The following STAT3 variants were observed in gnomAD, a reference collection of about 807,000 sequenced individuals.
STAT3 encodes the protein DNA-binding protein APRF.
STAT3 carries 7 observed loss-of-function variants against 114.3 expected under a neutral mutation model. The ratio of observed to expected loss-of-function variants is 0.06; its 90% confidence interval spans 0.03 to 0.11. The LOEUF (loss-of-function observed/expected upper bound fraction) is 0.11, where lower values mean the gene tolerates loss of function less well. STAT3 is among the 10% of genes least tolerant of loss of function. STAT3 has a pLI of 1.00. For synonymous variants in STAT3, 331 were observed against 354.5 expected, an observed-to-expected ratio of 0.93 and a Z score of 0.74; for missense variants, 364 against 960.9, an observed-to-expected ratio of 0.38 and a Z score of 8.21.
chr17:42,358,874 C>G (rs2083361262), intron 1 of STAT3, among the ~76,000 whole-genome samples: 1 of 151,472 alleles, frequency 6.6e-6, no homozygotes, highest in African/African-American at 2.4e-5. Flanking sequence ...GTGCCAGATC[C>G]TCAGAGCTGC....
At chr17:42,325,200 TGTGA>T in intron 15 of STAT3, 139 bp from the exon 16 acceptor site, 3 of 759,276 alleles carry the variant, frequency 4.0e-6, no homozygotes, top group Non-Finnish European at 4.4e-6. Context: ...AGGCGAGGAG[TGTGA>T]GTGAGTCAGC....
Position 42,358,933 on chromosome 17 carries a change from C to CTTTTTTTTTTTTTTT in STAT3, c.-23-10409_-23-10395dup, listed in dbSNP as rs35099574. ...GTCTCCCTTTCATGGACATTTCTTA[C>CTTTTTTTTTTTTTTT]TTTTTTTTTTTTTTTTTTTGAGATG... is the stretch of plus-strand genomic sequence containing the variant. On this transcript the variant is annotated intron_variant, in intron 1 of 23. Coordinates refer to ENST00000264657, the MANE Select transcript of STAT3 (RefSeq NM_139276.3). Among the ~76,000 whole-genome samples the CTTTTTTTTTTTTTTT allele has an allele frequency of 3.1e-4, 31 of 100,448 alleles. 1 individual carries two copies. The highest frequency in any genetic ancestry group is 5.8e-4 in the East Asian group (2 of 3,442). The allele number at this position is 100,448 out of a possible 152,430, so 65.9% of individuals were successfully genotyped here.
At position 42,386,141 on chromosome 17, in the gene STAT3, C is replaced by T. The variant is rs1011272871; in HGVS notation, c.-24+2138G>A. Reference sequence around the variant, plus strand: ...ACTAAAAATACAAAAATTAGCTGGGCGTGGTGGCGCACGCCTGTAGTCCCA... The same window carrying T: ...ACTAAAAATACAAAAATTAGCTGGGTGTGGTGGCGCACGCCTGTAGTCCCA... On this transcript the variant is annotated intron_variant, in intron 1 of 23. Coordinates refer to ENST00000264657, the MANE Select transcript of STAT3 (RefSeq NM_139276.3). 5.3e-5 allele frequency among the ~76,000 whole-genome samples: 8 copies of T among 151,968 alleles called. No individual in the cohort carries two copies. In the East Asian group the frequency reaches 5.8e-4, roughly 11 times the overall value.
intron 1 of STAT3, among the ~76,000 whole-genome samples, chr17:42,372,677 T>A (rs1174829366): frequency 2.6e-5 from 4 of 151,964 alleles, no homozygotes; most frequent in Non-Finnish European, 5.9e-5. Flanking sequence ...CAGAGTGAAA[T>A]GTAATGTAAA....
chr17:42,336,847 T>C (rs1214029478), intron 8 of STAT3, among the ~76,000 whole-genome samples: 1 of 151,994 alleles, frequency 6.6e-6, no homozygotes, highest in Non-Finnish European at 1.5e-5. Flanking sequence ...AATTAAAAGG[T>C]TTGTCTATCT....
intron 1 of STAT3, among the ~76,000 whole-genome samples, chr17:42,371,337 A>G (rs1025670264): frequency 2.6e-5 from 4 of 152,036 alleles, no homozygotes; most frequent in Non-Finnish European, 4.4e-5. Flanking sequence ...GGAGGGCCAC[A>G]CTTGCTAGTC....
intron 14 of STAT3, among the ~76,000 whole-genome samples, chr17:42,328,054 A>G (rs901828616): frequency 6.6e-6 from 1 of 151,914 alleles, no homozygotes; most frequent in Non-Finnish European, 1.5e-5. Context: ...AAAAAGAAAA[A>G]AGAAATTAAA....
intron 1 of STAT3, 179 bp downstream of exon 1, chr17:42,388,100 G>A: frequency 5.3e-6 from 4 of 761,802 alleles, no homozygotes; most frequent in Non-Finnish European, 7.2e-6. Context: ...TCCCTTCCGA[G>A]GCCCGCTCCT....
intron 19 of STAT3, 44 bp from the exon 20 acceptor site, chr17:42,323,187 C>A (rs1216212278): frequency 6.2e-7 from 1 of 1,614,206 alleles, no homozygotes; most frequent in Admixed American, 1.7e-5. Flanking sequence ...GCTAACAGGG[C>A]ATCCATCCCC....
In STAT3 at chr17:42,337,345, G is replaced by C. The variant is rs2057260572; in HGVS notation, c.797+90C>G. The C allele has an allele frequency of 6.5e-7, 1 of 1,540,700 alleles. No individual in the cohort carries two copies. The highest frequency in any genetic ancestry group is 8.8e-7 in the Non-Finnish European group (1 of 1,137,356). ...AATATGGAAAAGTCCCCACGTTGGA[G>C]ATATAGTACCAATTCTGTGGGCCTG... On this transcript the variant is annotated intron_variant, in intron 8 of 23. Transcript: ENST00000264657. This position sits in a 1 kb window ranked among gnomAD's most constrained non-coding sequence, Gnocchi z 4.0.
intron 3 of STAT3, among the ~76,000 whole-genome samples, chr17:42,346,023 G>A (rs2082686475): frequency 6.6e-6 from 1 of 151,974 alleles, no homozygotes; most frequent in African/African-American, 2.4e-5. Context: ...ACAGGTGCAT[G>A]CCACCACAAT....
At position 42,333,631 on chromosome 17, in the gene STAT3, C is replaced by G; in HGVS notation, c.1049+42G>C. 19 of 1,605,298 alleles carry G rather than the reference C, an allele frequency of 1.2e-5. No homozygotes were observed. Among genetic ancestry groups the G allele is most frequent in the Non-Finnish European group, 1.6e-5 (19 of 1,172,272 alleles). On this transcript the variant is annotated intron_variant, in intron 10 of 23. Transcript: ENST00000264657. The surrounding 1 kb of genome is among the most constrained non-coding windows in gnomAD (Gnocchi z 5.2). ...CTCTACCCTCACCCTAACAGTGTCC[C>G]TCAGTAAAATCTCTACTGGAAATGG...
chr17:42,363,615 C>CA (rs2083626529), intron 1 of STAT3, among the ~76,000 whole-genome samples: 1 of 136,106 alleles, frequency 7.3e-6, no homozygotes. Context: ...GGATAATTTT[C>CA]TTTTTTTTTT....
chr17:42,323,470 T>C (rs1015895845), intron 18 of STAT3, 103 bp downstream of exon 18: 5 of 1,548,400 alleles, frequency 3.2e-6, no homozygotes, highest in Non-Finnish European at 4.5e-6. Flanking sequence ...CAGGTCCTAC[T>C]GGCCGCTGGA....
rs397857989 is a variant in STAT3 at position 42,313,379 on chromosome 17, CAAAAAAAA to C, written c.*2358_*2365del. 36 of 86,332 alleles carry C rather than the reference CAAAAAAAA, an allele frequency of 4.2e-4. No individual in the cohort carries two copies. The highest frequency in any genetic ancestry group is 1.4e-3 in the African/African-American group (23 of 16,192). 5.3% of individuals were successfully genotyped at this position (86,332 alleles called of 1,614,324 possible). A position where few individuals can be genotyped will look rare whatever the true frequency, so the allele number is the denominator to read the frequency against. ...AGTTAAAGTAGATACAGCAATATAC[CAAAAAAAA>C]AAAAAAAAAAAAAAGACAAAAAACC... On this transcript the variant is annotated 3_prime_UTR_variant, in exon 24 of 24. Transcript: ENST00000264657.
chr17:42,356,541 T>TA (rs67756754), intron 1 of STAT3, among the ~76,000 whole-genome samples: 977 of 77,940 alleles, frequency 0.013, 6 homozygotes, highest in African/African-American at 0.028. Flanking sequence ...ATATATATAT[T>TA]TTTTTTTTTT....
Position 42,337,426 on chromosome 17 carries a change from A to C in STAT3, c.797+9T>G. On this transcript the variant is annotated intron_variant, in intron 8 of 23. Coordinates refer to ENST00000264657, the MANE Select transcript of STAT3 (RefSeq NM_139276.3). The surrounding 1 kb of genome is among the most constrained non-coding windows in gnomAD (Gnocchi z 4.0). ...GAGAAAGAAAGGAAAAGCTTCTTTC[A>C]TCCTTTACCAGTTTTCTAGCCGATC... is the stretch of plus-strand genomic sequence containing the variant. 3.7e-6 allele frequency: 6 copies of C among 1,613,436 alleles called. No homozygotes were observed. Among genetic ancestry groups the C allele is most frequent in the Non-Finnish European group, 4.2e-6 (5 of 1,179,366 alleles).
intron 2 of STAT3, among the ~76,000 whole-genome samples, chr17:42,347,136 G>A (rs1259273116): frequency 1.1e-4 from 16 of 140,848 alleles, no homozygotes; most frequent in South Asian, 2.2e-4. Context: ...GCAGTGAGCC[G>A]AGACTGTACC....
At position 42,315,208 on chromosome 17, in the gene STAT3, T is replaced by C. The variant is rs545977519; in HGVS notation, c.*537A>G. ...TATGCTGATACAGTGTTTTTTGCCCTTTAATTGTTATTATTTCTTAATTTA... is the reference window on the plus strand; with the variant it reads ...TATGCTGATACAGTGTTTTTTGCCCCTTAATTGTTATTATTTCTTAATTTA... On this transcript the variant is annotated 3_prime_UTR_variant, in exon 24 of 24. Coordinates refer to ENST00000264657, the MANE Select transcript of STAT3 (RefSeq NM_139276.3). 1.6e-5 allele frequency: 4 copies of C among 250,038 alleles called. No individual in the cohort carries two copies. The South Asian group carries it at 4.2e-4, about 26-fold the overall frequency. 15.5% of individuals were successfully genotyped at this position (250,038 alleles called of 1,614,324 possible). A position where few individuals can be genotyped will look rare whatever the true frequency, so the allele number is the denominator to read the frequency against.
Sources: allele counts gnomAD v4.1 joint callset (sites outside exome capture counted in the v4.1 genomes callset), GRCh38; gene constraint gnomAD v4.1.1; non-coding constraint Gnocchi (gnomAD v3.1); transcripts MANE v1.5; gene names NCBI Gene and HGNC (gene_info 2026-07-23, HGNC 2026-07-21).